Variants in SS18 observed in about 807,000 individuals in gnomAD.
SS18 encodes the protein protein SSXT.
A neutral mutation model predicts 72.5 loss-of-function variants in SS18; 28 were observed. That is an observed-to-expected ratio of 0.39 (90% CI 0.29 to 0.53). The LOEUF (loss-of-function observed/expected upper bound fraction) is 0.53, where lower values mean the gene tolerates loss of function less well. Ranked by LOEUF, SS18 falls within the 20% of genes least tolerant of loss-of-function variation. SS18 has a pLI of 0.76. For missense variants in SS18, 518 were observed against 535.3 expected (o/e 0.97, Z 0.32); for synonymous variants, 172 against 164.2 (o/e 1.05, Z -0.37).
intron 3 of SS18, among the ~76,000 whole-genome samples, chr18:26,064,395 A>C (rs2054176836): frequency 1.3e-5 from 2 of 152,150 alleles, no homozygotes; most frequent in African/African-American, 4.8e-5. Context: ...AATTTTAGCA[A>C]ATCAAATCCA....
chr18:26,018,284 A>G lies in SS18; in HGVS notation c.*70T>C. Reference sequence around the variant, plus strand: ...GGAATGGAAGGATCTCTTCACAGGGAGGTGTCCACAGTGCTGAGGTGACAA... The same window carrying G: ...GGAATGGAAGGATCTCTTCACAGGGGGGTGTCCACAGTGCTGAGGTGACAA... On this transcript the variant is annotated 3_prime_UTR_variant, in exon 11 of 11. Coordinates refer to ENST00000415083, the MANE Select transcript of SS18 (RefSeq NM_001007559.3). The G allele has an allele frequency of 7.8e-7, 1 of 1,282,074 alleles. No homozygotes were observed. The highest frequency in any genetic ancestry group is 1.3e-5 in the South Asian group (1 of 76,728). 79.4% of individuals were successfully genotyped at this position (1,282,074 alleles called of 1,614,324 possible). A position where few individuals can be genotyped will look rare whatever the true frequency, so the allele number is the denominator to read the frequency against.
intron 5 of SS18, among the ~76,000 whole-genome samples, chr18:26,047,862 C>G (rs916654469): frequency 1.3e-5 from 2 of 152,112 alleles, no homozygotes; most frequent in Non-Finnish European, 2.9e-5. Context: ...AAAACAACAA[C>G]AAATAAAGGT....
intron 3 of SS18, among the ~76,000 whole-genome samples, chr18:26,070,902 A>T (rs2054299778): frequency 6.6e-6 from 1 of 152,214 alleles, no homozygotes; most frequent in Admixed American, 6.5e-5. Flanking sequence ...ACATCCTCTC[A>T]GCAAAGAGCA....
At chr18:26,041,564 C>G (rs1407958551) in intron 5 of SS18, among the ~76,000 whole-genome samples, 1 of 152,098 alleles carries the variant, frequency 6.6e-6, no homozygotes, top group African/African-American at 2.4e-5. Context: ...CTATTAAACA[C>G]TAACATTCAT....
intron 10 of SS18, among the ~76,000 whole-genome samples, chr18:26,028,062 TG>T (rs1405707202): frequency 3.3e-5 from 5 of 152,110 alleles, no homozygotes; most frequent in South Asian, 4.1e-4. Context: ...ATTAAGGACT[TG>T]TATCTAGGAT....
chr18:26,048,510 C>T (rs951164515), intron 5 of SS18, among the ~76,000 whole-genome samples: 10 of 152,184 alleles, frequency 6.6e-5, no homozygotes, highest in African/African-American at 2.4e-4. Flanking sequence ...CTATCTCAAG[C>T]ACCTCCTTTT....
rs138120990 is a variant in SS18, at chr18:26,037,432, C to T, written c.880+1123G>A. 4.1e-3 allele frequency among the ~76,000 whole-genome samples: 619 copies of T among 152,016 alleles called. 4 individuals carry two copies. The highest frequency in any genetic ancestry group is 0.014 in the African/African-American group (595 of 41,520). On this transcript the variant is annotated intron_variant, in intron 7 of 10. Coordinates refer to ENST00000415083, the MANE Select transcript of SS18 (RefSeq NM_001007559.3). ...AAGTAGATTTCACGTCTTTAAAATA[C>T]GTAGAGTCTACAACAATCTTACTAA...
At chr18:26,021,316 T>G (rs1312723027) in intron 10 of SS18, among the ~76,000 whole-genome samples, 2 of 152,192 alleles carry the variant, frequency 1.3e-5, no homozygotes, top group Non-Finnish European at 2.9e-5. Context: ...TAATCTCTAT[T>G]TTAAAAAGTT....
chr18:26,044,418 G>A (rs2053784200), intron 5 of SS18, among the ~76,000 whole-genome samples: 1 of 150,534 alleles, frequency 6.6e-6, no homozygotes, highest in Admixed American at 6.6e-5. Flanking sequence ...CCGCCTCCCA[G>A]GTTCAAGCGA....
chr18:26,027,078 A>C (rs2053458371), intron 10 of SS18, among the ~76,000 whole-genome samples: 1 of 152,232 alleles, frequency 6.6e-6, no homozygotes, highest in Admixed American at 6.5e-5. Context: ...TTTTACGTAC[A>C]AACTGACAAG....
chr18:26,031,598 T>G (rs1271962407), intron 10 of SS18, among the ~76,000 whole-genome samples: 1 of 152,172 alleles, frequency 6.6e-6, no homozygotes, highest in Non-Finnish European at 1.5e-5. Flanking sequence ...ATGAGTACAT[T>G]CATAAAACGA....
At chr18:26,062,838 T>C (rs1458046828) in intron 3 of SS18, among the ~76,000 whole-genome samples, 1 of 152,196 alleles carries the variant, frequency 6.6e-6, no homozygotes, top group Non-Finnish European at 1.5e-5. Context: ...ATCATAAATG[T>C]GTATACATCT....
rs1050723319 is a variant in SS18 at position 26,016,279 on chromosome 18, C to T, written c.*2075G>A. ...TAAAATCACAAATAATTTATTCTTC[C>T]GTTAGAGTTGATACAGTTTTAAATA... is the stretch of plus-strand genomic sequence containing the variant. On this transcript the variant is annotated 3_prime_UTR_variant, in exon 11 of 11. Transcript: ENST00000415083. 9 of 178,404 alleles carry T rather than the reference C, an allele frequency of 5.0e-5. No individual in the cohort carries two copies. Among genetic ancestry groups the T allele is most frequent in the Non-Finnish European group, 8.4e-5 (7 of 82,922 alleles). The allele number at this position is 178,404 out of a possible 1,614,324, so 11.1% of individuals were successfully genotyped here. A position where few individuals can be genotyped will look rare whatever the true frequency, so the allele number is the denominator to read the frequency against.
intron 5 of SS18, 54 bp downstream of exon 5, chr18:26,052,570 C>G: frequency 7.0e-7 from 1 of 1,426,362 alleles, no homozygotes; most frequent in South Asian, 1.2e-5. Flanking sequence ...AATCATTTTA[C>G]TTTTCAAAGG....
intron 9 of SS18, among the ~76,000 whole-genome samples, chr18:26,034,028 G>A (rs142081716): frequency 6.6e-6 from 1 of 152,202 alleles, no homozygotes; most frequent in East Asian, 1.9e-4. Flanking sequence ...AAAATCCATG[G>A]AATATTTCTA....
chr18:26,047,480 A>AT (rs11399073), intron 5 of SS18, among the ~76,000 whole-genome samples: 149,666 of 152,250 alleles, frequency 0.98, 73,618 homozygotes, highest in Middle Eastern at 1. Flanking sequence ...TAATTGGGAA[A>AT]AATCACATTT....
intron 5 of SS18, among the ~76,000 whole-genome samples, chr18:26,041,790 T>C (rs1386548253): frequency 1.3e-5 from 2 of 152,104 alleles, no homozygotes; most frequent in East Asian, 3.9e-4. Flanking sequence ...CACTAAACCT[T>C]GCTCTAAAGG....
chr18:26,087,703 T>C lies in SS18; in HGVS notation c.70-126A>G, dbSNP rs112296682. On this transcript the variant is annotated intron_variant, in intron 1 of 10. Coordinates refer to ENST00000415083, the MANE Select transcript of SS18 (RefSeq NM_001007559.3). ...TACAAGAACTCTAAAGCGTATCCCT[T>C]AACAAAATACTGTCCCCTGCAAACA... The C allele has an allele frequency of 5.4e-3, 3,000 of 553,290 alleles. 74 individuals are homozygous for C. The highest frequency in any genetic ancestry group is 0.053 in the African/African-American group (2,706 of 51,216). The allele number at this position is 553,290 out of a possible 1,614,324, so 34.3% of individuals were successfully genotyped here. A position where few individuals can be genotyped will look rare whatever the true frequency, so the allele number is the denominator to read the frequency against.
Position 26,087,538 on chromosome 18 carries a change from C to A in SS18, c.109G>T (p.Asp37Tyr). The A allele has an allele frequency of 6.3e-7, 1 of 1,598,242 alleles. No homozygotes were observed. The highest frequency in any genetic ancestry group is 8.5e-7 in the Non-Finnish European group (1 of 1,170,078). Reference sequence around the variant, plus strand: ...GAGGTCTTTCCTTTATTCTGAGAGTCCATTATACACTGAATAAGATGGTTA... The same window carrying A: ...GAGGTCTTTCCTTTATTCTGAGAGTACATTATACACTGAATAAGATGGTTA... ...DNNHLIQCIM[D>Y]SQNKGKTSEC... Residue 37 changes from aspartate to tyrosine, a missense_variant, in exon 2 of 11, where the codon GAC becomes TAC. Asp to Tyr is a radical substitution (Grantham distance 160, BLOSUM62 -3). Coordinates refer to ENST00000415083, the MANE Select transcript of SS18 (RefSeq NM_001007559.3).
Sources: gnomAD v4.1 joint callset for allele counts (sites outside exome capture counted in the v4.1 genomes callset) on GRCh38, gnomAD v4.1.1 for gene constraint, MANE v1.5 for transcripts, NCBI Gene and HGNC (gene_info 2026-07-23, HGNC 2026-07-21) for gene names.